CPAMD8: variants seen among roughly 807,000 people sequenced by gnomAD.
CPAMD8 encodes the protein C3 and PZP like alpha-2-macroglobulin domain containing 8, also known as C3 and PZP-like alpha-2-macroglobulin domain-containing protein 8.
CPAMD8 carries 146 observed loss-of-function variants against 224.7 expected under a neutral mutation model. The observed-to-expected ratio is 0.65, with a 90% CI of 0.57 to 0.75. CPAMD8 has a LOEUF of 0.75. Ranked by LOEUF, CPAMD8 falls within the 30% of genes least tolerant of loss-of-function variation. The pLI is 0.00. For synonymous variants in CPAMD8, 966 were observed against 1,044.6 expected (o/e 0.92, Z 1.45); for missense variants, 2,301 against 2,537.5 (o/e 0.91, Z 2.00).
intron 13 of CPAMD8, among the ~76,000 whole-genome samples, chr19:16,987,587 C>A (rs1451028050): frequency 1.3e-5 from 2 of 152,062 alleles, no homozygotes; most frequent in Non-Finnish European, 2.9e-5. Flanking sequence ...TACAGTATAT[C>A]ATGCATAGAA....
chr19:16,948,593 G>A (rs1034878255), intron 20 of CPAMD8, among the ~76,000 whole-genome samples: 3 of 151,650 alleles, frequency 2.0e-5, no homozygotes, highest in African/African-American at 7.3e-5. Context: ...CTAAAGACCA[G>A]GCGTAGTGCT....
In CPAMD8 at chr19:16,916,557, C is replaced by T. The variant is rs532655069; in HGVS notation, c.3630-1744G>A. Among the ~76,000 whole-genome samples the T allele has an allele frequency of 2.0e-5, 3 of 151,944 alleles. No individual in the cohort carries two copies. The East Asian group carries it at 5.8e-4, about 30-fold the overall frequency. On this transcript the variant is annotated intron_variant, in intron 27 of 41. Transcript: ENST00000443236. ...TTCAAGACCAGCCTGACTGACATGG[C>T]GAAACCCCATCTCCACTAAAAATAA... is the stretch of plus-strand genomic sequence containing the variant.
At chr19:16,926,393 C>T (rs2053361437) in intron 25 of CPAMD8, among the ~76,000 whole-genome samples, 1 of 152,088 alleles carries the variant, frequency 6.6e-6, no homozygotes, top group African/African-American at 2.4e-5. Flanking sequence ...TCTTGGCTCA[C>T]TGCAACCTCT....
At chr19:17,004,428 A>G in intron 7 of CPAMD8, 42 bp from the exon 8 acceptor site, 1 of 1,301,848 alleles carries the variant, frequency 7.7e-7, no homozygotes, top group Non-Finnish European at 1.1e-6. Context: ...AGAGAGCCAC[A>G]GACACGGTGA....
At chr19:16,957,488 A>G in intron 19 of CPAMD8, 1 of 191,580 alleles carries the variant, frequency 5.2e-6, no homozygotes, top group Non-Finnish European at 1.1e-5. Flanking sequence ...CTGTTTTTTG[A>G]GCAAGAGCTG....
At chr19:16,968,890 G>A (rs188417460) in intron 18 of CPAMD8, among the ~76,000 whole-genome samples, 39 of 152,180 alleles carry the variant, frequency 2.6e-4, no homozygotes, top group Non-Finnish European at 5.1e-4. Flanking sequence ...TGCCTGCCTT[G>A]GCCTTCCAAA....
intron 22 of CPAMD8, among the ~76,000 whole-genome samples, chr19:16,944,036 C>T (rs543326029): frequency 6.8e-4 from 104 of 152,272 alleles, no homozygotes; most frequent in African/African-American, 2.1e-3. Context: ...CAAGGCAGAG[C>T]GGTGTCCGTA....
At position 16,898,669 on chromosome 19, in the gene CPAMD8, C is replaced by A. The variant is rs1156693456; in HGVS notation, c.4849-675G>T. 6.6e-6 allele frequency among the ~76,000 whole-genome samples: 1 copy of A among 152,148 alleles called. No individual in the cohort carries two copies. The highest frequency in any genetic ancestry group is 6.5e-5 in the Admixed American group (1 of 15,270). On this transcript the variant is annotated intron_variant, in intron 37 of 41. Transcript: ENST00000443236. The surrounding 1 kb of genome is among the most constrained non-coding windows in gnomAD (Gnocchi z 4.2). ...TTCCAACTCTACGGATTTGCCTGTT[C>A]TGGGCATTTCATGTCAATGGAATCA...
chr19:16,918,914 T>C (rs1173733404), intron 27 of CPAMD8, among the ~76,000 whole-genome samples: 1 of 152,010 alleles, frequency 6.6e-6, no homozygotes, highest in Non-Finnish European at 1.5e-5. Flanking sequence ...ACTAAAAGCA[T>C]CTTGGAGCCC....
chr19:16,999,005 G>A (rs1350139116), intron 10 of CPAMD8, among the ~76,000 whole-genome samples: 1 of 152,120 alleles, frequency 6.6e-6, no homozygotes. Context: ...CCATAAAAAA[G>A]GAATGAAGCA....
Position 16,908,219 on chromosome 19 carries a change from C to T in CPAMD8, c.3862-1102G>A, listed in dbSNP as rs376871372. Among the ~76,000 whole-genome samples, 52 of 152,086 alleles carry T rather than the reference C, an allele frequency of 3.4e-4. 1 individual carries two copies. The East Asian group carries it at 7.8e-3, about 23-fold the overall frequency. Reference sequence around the variant, plus strand: ...ATTAAAAATACAAAAATTAGCCAGGCGTGGTGGTGGGCGCCTATAATCCAA... The same window carrying T: ...ATTAAAAATACAAAAATTAGCCAGGTGTGGTGGTGGGCGCCTATAATCCAA... On this transcript the variant is annotated intron_variant, in intron 29 of 41. Transcript: ENST00000443236.
chr19:16,948,375 T>C (rs2054175152), intron 20 of CPAMD8, among the ~76,000 whole-genome samples: 2 of 152,120 alleles, frequency 1.3e-5, no homozygotes, highest in Non-Finnish European at 2.9e-5. Context: ...AAGGCCCAGC[T>C]AGATCTGAGA....
At chr19:16,987,179 A>AAAAATATATATAT (rs1555784836) in intron 13 of CPAMD8, among the ~76,000 whole-genome samples, 3 of 53,908 alleles carry the variant, frequency 5.6e-5, no homozygotes, top group African/African-American at 3.1e-4. Flanking sequence ...AAAAAAAAAA[A>AAAAATATATATAT]ATATATATAT....
chr19:17,005,888 A>C (rs947285477), intron 7 of CPAMD8, among the ~76,000 whole-genome samples: 1 of 152,098 alleles, frequency 6.6e-6, no homozygotes, highest in African/African-American at 2.4e-5. Context: ...TCTGTGGCCA[A>C]CTTTGCCAAG....
At chr19:16,929,262 G>C (rs776752999) in intron 23 of CPAMD8, 22 bp from the exon 24 acceptor site, 1 of 1,575,100 alleles carries the variant, frequency 6.3e-7, no homozygotes. Context: ...AAAGGAGATG[G>C]GGAGTTGAGA....
intron 1 of CPAMD8, 36 bp from the exon 2 acceptor site, chr19:17,022,217 C>G: frequency 1.3e-6 from 2 of 1,596,822 alleles, no homozygotes; most frequent in Non-Finnish European, 1.7e-6. Flanking sequence ...AGTTCTCACC[C>G]CAGACCCCTG....
At position 16,902,858 on chromosome 19, in the gene CPAMD8, A is replaced by G; in HGVS notation, c.4476T>C (p.Asp1492=). Residue 1492 remains aspartate (D), a synonymous_variant, in exon 35 of 42, where the codon GAT becomes GAC. Coordinates refer to ENST00000443236, the MANE Select transcript of CPAMD8 (RefSeq NM_015692.5). ...CCGGGTCAGGCACATTGTAGGTGACATCAATCTGGGGGGTGTTGGAGGATG... is the reference window on the plus strand; with the variant it reads ...CCGGGTCAGGCACATTGTAGGTGACGTCAATCTGGGGGGTGTTGGAGGATG... The part of the protein sequence containing the change: ...KGDGCCLMQI[D]VTYNVPDPVA... 6.5e-7 allele frequency: 1 copy of G among 1,527,450 alleles called. No homozygotes were observed. Among genetic ancestry groups the G allele is most frequent in the Non-Finnish European group, 8.8e-7 (1 of 1,133,824 alleles). The allele number at this position is 1,527,450 out of a possible 1,614,324, so 94.6% of individuals were successfully genotyped here. A position where few individuals can be genotyped will look rare whatever the true frequency, so the allele number is the denominator to read the frequency against.
chr19:17,015,465 C>T (rs1257638215), intron 3 of CPAMD8, among the ~76,000 whole-genome samples: 7 of 152,158 alleles, frequency 4.6e-5, no homozygotes, highest in South Asian at 4.1e-4. Flanking sequence ...CTAGGACCCC[C>T]GCTCTCTGAA....
intron 29 of CPAMD8, among the ~76,000 whole-genome samples, chr19:16,911,707 G>A (rs934855654): frequency 6.6e-5 from 10 of 151,938 alleles, no homozygotes; most frequent in African/African-American, 1.2e-4. Flanking sequence ...CACCATGCCC[G>A]GCTAATTTTT....
Sources: gnomAD v4.1 joint callset for allele counts (sites outside exome capture counted in the v4.1 genomes callset) on GRCh38, gnomAD v4.1.1 for gene constraint, Gnocchi (gnomAD v3.1) non-coding constraint, MANE v1.5 for transcripts, NCBI Gene and HGNC (gene_info 2026-07-23, HGNC 2026-07-21) for gene names.